The following ANO4 variants were observed in gnomAD, a reference collection of about 807,000 sequenced individuals.
ANO4 encodes anoctamin-4.
ANO4 carries 69 observed loss-of-function variants against 141.9 expected under a neutral mutation model. The ratio of observed to expected loss-of-function variants is 0.49; its 90% CI spans 0.40 to 0.59. The LOEUF (loss-of-function observed/expected upper bound fraction) is 0.59, where lower values mean the gene tolerates loss of function less well. ANO4 is among the 20% of genes least tolerant of loss of function. The pLI is 0.00. For synonymous variants in ANO4, 350 were observed against 394.3 expected (o/e 0.89, Z 1.33); for missense variants, 894 against 1,162.2 (o/e 0.77, Z 3.36).
chr12:100,826,374 A>G (rs1317816276), intron 1 of ANO4, among the ~76,000 whole-genome samples: 1 of 152,102 alleles, frequency 6.6e-6, no homozygotes, highest in East Asian at 1.9e-4. Context: ...TAGTGATTTG[A>G]TGGATGCAGC....
chr12:101,096,625 T>C lies in ANO4; in HGVS notation c.1828T>C (p.Tyr610His). 6.2e-7 allele frequency: 1 copy of C among 1,613,382 alleles called. No individual in the cohort carries two copies. Among genetic ancestry groups the C allele is most frequent in the Non-Finnish European group, 8.5e-7 (1 of 1,179,490 alleles). ...TGTCAATCTGAACAGCTCCACATTTTACATCGCATTCTTCCTCGGAAGGTA... is the reference window on the plus strand; with the variant it reads ...TGTCAATCTGAACAGCTCCACATTTCACATCGCATTCTTCCTCGGAAGGTA... ...QFVNLNSSTFYIAFFLGRFTG... is the reference protein window; with the variant it reads ...QFVNLNSSTFHIAFFLGRFTG... The change falls in exon 19 of 28, where the codon TAC becomes CAC. Residue 610 changes from tyrosine to histidine, a missense_variant. This residue lies in a region of ANO4 where 637 missense variants were observed against 909.2 expected (regional missense o/e 0.70). Coordinates refer to ENST00000392977, the MANE Select transcript of ANO4 (RefSeq NM_001286615.2).
At chr12:101,009,365 G>A (rs1412750795) in intron 8 of ANO4, among the ~76,000 whole-genome samples, 1 of 152,072 alleles carries the variant, frequency 6.6e-6, no homozygotes, top group African/African-American at 2.4e-5. Flanking sequence ...CCAGAACTGT[G>A]AGAAAACAAA....
intron 3 of ANO4, among the ~76,000 whole-genome samples, chr12:100,786,653 G>T (rs2033882980): frequency 6.6e-6 from 1 of 152,146 alleles, no homozygotes; most frequent in Non-Finnish European, 1.5e-5. Flanking sequence ...ATTCCAACTA[G>T]AAAGTGTGTT....
chr12:100,907,337 C>G (rs2040892110), intron 2 of ANO4, among the ~76,000 whole-genome samples: 1 of 152,192 alleles, frequency 6.6e-6, no homozygotes, highest in African/African-American at 2.4e-5. Context: ...TATCCCTTCC[C>G]CTAATAAATG....
At chr12:100,837,084 T>G (rs1461390639) in intron 1 of ANO4, among the ~76,000 whole-genome samples, 2 of 152,196 alleles carry the variant, frequency 1.3e-5, no homozygotes, top group Non-Finnish European at 2.9e-5. Context: ...AGGCTTTGCC[T>G]TGTGTTTGGA....
At chr12:100,989,787 ATG>A (rs1480352652) in intron 8 of ANO4, among the ~76,000 whole-genome samples, 2 of 150,450 alleles carry the variant, frequency 1.3e-5, no homozygotes, top group Non-Finnish European at 3.0e-5. Context: ...GGATGGATGG[ATG>A]GATGGATGGA....
At chr12:101,044,600 C>T (rs1267338623) in intron 13 of ANO4, among the ~76,000 whole-genome samples, 1 of 152,210 alleles carries the variant, frequency 6.6e-6, no homozygotes, top group South Asian at 2.1e-4. Flanking sequence ...TCTAATTACT[C>T]TCTTGGCATT....
intron 1 of ANO4, among the ~76,000 whole-genome samples, chr12:100,833,233 A>G (rs763054885): frequency 2.6e-5 from 4 of 152,156 alleles, no homozygotes; most frequent in Non-Finnish European, 5.9e-5. Context: ...AAGCAAAAGA[A>G]TAATTACTTC....
At position 100,971,401 on chromosome 12, in the gene ANO4, T is replaced by C; in HGVS notation, c.552T>C (p.Pro184=). 1.9e-6 allele frequency: 3 copies of C among 1,597,140 alleles called. No homozygotes were observed. The highest frequency in any genetic ancestry group is 2.6e-6 in the Non-Finnish European group (3 of 1,166,204). ...RYAEQMNVRM[P]FRRKIYYLPR... is the part of the protein sequence containing the mutation. ...CAGAACAAATGAATGTAAGAATGCCTTTCAGGTAGGTGGAAATGTATTTTA... is the reference window on the plus strand; with the variant it reads ...CAGAACAAATGAATGTAAGAATGCCCTTCAGGTAGGTGGAAATGTATTTTA... Residue 184 remains proline (P), a synonymous_variant, in exon 6 of 28, where the codon CCT becomes CCC. Coordinates refer to ENST00000392977, the MANE Select transcript of ANO4 (RefSeq NM_001286615.2).
intron 9 of ANO4, among the ~76,000 whole-genome samples, chr12:101,025,707 A>G (rs556490320): frequency 6.6e-6 from 1 of 152,368 alleles, no homozygotes; most frequent in African/African-American, 2.4e-5. Flanking sequence ...AAGTTTAACA[A>G]TGTATAACAA....
chr12:100,734,332 C>T (rs1042796394), intron 2 of ANO4, among the ~76,000 whole-genome samples: 1 of 152,174 alleles, frequency 6.6e-6, no homozygotes. Context: ...TTGTTATGCT[C>T]ACTCAACCTT....
chr12:100,753,343 G>A (rs560781617), intron 3 of ANO4, among the ~76,000 whole-genome samples: 7 of 152,248 alleles, frequency 4.6e-5, no homozygotes, highest in Admixed American at 2.0e-4. Flanking sequence ...TCTATCTCAC[G>A]TACATGATCT....
intron 8 of ANO4, among the ~76,000 whole-genome samples, chr12:101,017,148 G>A (rs1406224310): frequency 6.6e-6 from 1 of 152,182 alleles, no homozygotes; most frequent in East Asian, 1.9e-4. Context: ...AGGTTTAATG[G>A]ACTCACAGTT....
intron 1 of ANO4, among the ~76,000 whole-genome samples, chr12:100,837,119 A>G (rs1165103175): frequency 6.6e-6 from 1 of 152,206 alleles, no homozygotes; most frequent in Non-Finnish European, 1.5e-5. Flanking sequence ...AGATGCCTTT[A>G]TAGTAAAAGA....
chr12:101,024,048 C>G (rs2046637523), intron 9 of ANO4, among the ~76,000 whole-genome samples: 1 of 152,188 alleles, frequency 6.6e-6, no homozygotes, highest in Non-Finnish European at 1.5e-5. Context: ...CCACTATGTA[C>G]ATTTTTCAAC....
intron 22 of ANO4, among the ~76,000 whole-genome samples, chr12:101,103,618 TA>T (rs1047645980): frequency 9.2e-5 from 14 of 151,916 alleles, no homozygotes; most frequent in African/African-American, 3.4e-4. Flanking sequence ...TGCATTTTTT[TA>T]ATTACTAAGT....
chr12:100,764,882 T>A (rs557632301), intron 3 of ANO4, among the ~76,000 whole-genome samples: 5 of 152,208 alleles, frequency 3.3e-5, no homozygotes, highest in Non-Finnish European at 7.3e-5. Flanking sequence ...TTGTTGAGAT[T>A]TTTGCATGTG....
intron 1 of ANO4, among the ~76,000 whole-genome samples, chr12:100,818,276 T>G (rs1192366461): frequency 6.6e-6 from 1 of 151,870 alleles, no homozygotes; most frequent in Non-Finnish European, 1.5e-5. Flanking sequence ...TGAAGGGAAA[T>G]GGACCATTGT....
At chr12:100,990,486 ACT>A (rs1241640793) in intron 8 of ANO4, among the ~76,000 whole-genome samples, 3 of 152,234 alleles carry the variant, frequency 2.0e-5, no homozygotes, top group African/African-American at 4.8e-5. Context: ...TATTTAGCCA[ACT>A]CTCTCACATA....
Sources: allele counts gnomAD v4.1 joint callset (sites outside exome capture counted in the v4.1 genomes callset), GRCh38; gene constraint gnomAD v4.1.1; regional missense constraint gnomAD v4.1.1; transcripts MANE v1.5; gene names NCBI Gene and HGNC (gene_info 2026-07-23, HGNC 2026-07-21).